The following MARCHF1 variants were observed in gnomAD, a reference collection of about 807,000 sequenced individuals.
The protein encoded by MARCHF1 is E3 ubiquitin-protein ligase MARCHF1.
A neutral mutation model predicts 54.2 loss-of-function variants in MARCHF1; 40 were observed. The ratio of observed to expected loss-of-function variants is 0.74; its 90% CI spans 0.57 to 0.96. The LOEUF (loss-of-function observed/expected upper bound fraction) is 0.96, where lower values mean the gene tolerates loss of function less well. Among genes scored for constraint, MARCHF1 ranks in the 40% least tolerant of loss-of-function variants. The pLI, the probability that MARCHF1 is intolerant of heterozygous loss-of-function variation, is 0.00. For synonymous variants in MARCHF1, 236 were observed against 236.3 expected (o/e 1.00, Z 0.01); for missense variants, 586 against 656.5 (o/e 0.89, Z 1.17).
chr4:164,276,422 C>T (rs1019830545), intron 1 of MARCHF1, among the ~76,000 whole-genome samples: 1 of 152,086 alleles, frequency 6.6e-6, no homozygotes, highest in Admixed American at 6.6e-5. Flanking sequence ...TCTATACTAT[C>T]TCTGTTACTA....
At chr4:163,897,294 TC>T (rs1279952244) in intron 3 of MARCHF1, among the ~76,000 whole-genome samples, 1 of 152,206 alleles carries the variant, frequency 6.6e-6, no homozygotes, top group Non-Finnish European at 1.5e-5. Context: ...GAACCCATCA[TC>T]TTTTTCTGTG....
intron 4 of MARCHF1, among the ~76,000 whole-genome samples, chr4:163,754,341 A>C (rs1746604711): frequency 1.3e-5 from 2 of 152,218 alleles, no homozygotes; most frequent in African/African-American, 4.8e-5. Flanking sequence ...TGAACCAATA[A>C]TGGAAGAGGA....
chr4:163,770,852 T>A (rs1398337806), intron 4 of MARCHF1, among the ~76,000 whole-genome samples: 1 of 152,196 alleles, frequency 6.6e-6, no homozygotes, highest in Non-Finnish European at 1.5e-5. Flanking sequence ...ACAGTTATGA[T>A]CTTTTAAAAT....
chr4:163,567,432 T>C (rs1463200451), intron 8 of MARCHF1, among the ~76,000 whole-genome samples: 3 of 152,172 alleles, frequency 2.0e-5, no homozygotes, highest in Non-Finnish European at 4.4e-5. Context: ...TGCCCCACCT[T>C]ATGCCTACTG....
intron 7 of MARCHF1, among the ~76,000 whole-genome samples, chr4:163,611,860 C>T (rs3792612): frequency 0.089 from 13,580 of 151,998 alleles, 892 homozygotes; most frequent in East Asian, 0.32. Flanking sequence ...TTTTCTGATA[C>T]AAAAATCTGA....
chr4:164,359,050 A>C (rs1288579831), intron 1 of MARCHF1, among the ~76,000 whole-genome samples: 5 of 152,264 alleles, frequency 3.3e-5, no homozygotes, highest in African/African-American at 9.6e-5. Context: ...TTACAAAAAC[A>C]AAAATTTTTG....
intron 5 of MARCHF1, among the ~76,000 whole-genome samples, chr4:163,681,884 G>A (rs1211525119): frequency 6.6e-6 from 1 of 152,184 alleles, no homozygotes; most frequent in African/African-American, 2.4e-5. Flanking sequence ...TTGGAACTGG[G>A]TAATAGGCAG....
At chr4:164,015,951 C>T (rs1753532161) in intron 2 of MARCHF1, among the ~76,000 whole-genome samples, 1 of 151,566 alleles carries the variant, frequency 6.6e-6, no homozygotes, top group Non-Finnish European at 1.5e-5. Context: ...AACAATCCCA[C>T]TGCTGGGTCT....
intron 1 of MARCHF1, among the ~76,000 whole-genome samples, chr4:164,238,940 G>A (rs187497976): frequency 2.8e-4 from 42 of 152,058 alleles, no homozygotes; most frequent in Middle Eastern, 3.4e-3. Flanking sequence ...ACCCTGATAA[G>A]GAAACCTGAT....
At chr4:163,808,791 A>G (rs1748301335) in intron 4 of MARCHF1, among the ~76,000 whole-genome samples, 1 of 151,510 alleles carries the variant, frequency 6.6e-6, no homozygotes, top group African/African-American at 2.4e-5. Flanking sequence ...CTGGTCTTGA[A>G]CTCCTGAGCT....
At chr4:163,572,695 G>C (rs1011626356) in intron 8 of MARCHF1, among the ~76,000 whole-genome samples, 1 of 152,062 alleles carries the variant, frequency 6.6e-6, no homozygotes, top group African/African-American at 2.4e-5. Context: ...TTGTGTTATA[G>C]GTAAACCTGT....
intron 1 of MARCHF1, among the ~76,000 whole-genome samples, chr4:164,200,743 T>G (rs1006929881): frequency 1.3e-5 from 2 of 152,162 alleles, no homozygotes; most frequent in African/African-American, 4.8e-5. Context: ...AAGAAAGAAA[T>G]AAACAATCAA....
In MARCHF1 at chr4:164,176,966, CTCTCTCTCTCTCTCTATATATATATATAT is replaced by C. The variant is rs1730690526; in HGVS notation, c.-322-65333_-322-65305del. ...GCTCTCTCTCTCTCTCTCTCTCTCT[CTCTCTCTCTCTCTCTATATATATATATAT>C]ATATATATATATATACAAATGATAG... is the stretch of plus-strand genomic sequence containing the variant. On this transcript the variant is annotated intron_variant, in intron 1 of 9. Coordinates refer to ENST00000514618, the MANE Select transcript of MARCHF1 (RefSeq NM_001394959.1). Among the ~76,000 whole-genome samples, 18 of 46,736 alleles carry C rather than the reference CTCTCTCTCTCTCTCTATATATATATATAT, an allele frequency of 3.9e-4. 2 individuals carry two copies. The highest frequency in any genetic ancestry group is 1.9e-3 in the South Asian group (2 of 1,056). 30.7% of individuals were successfully genotyped at this position (46,736 alleles called of 152,430 possible).
intron 1 of MARCHF1, among the ~76,000 whole-genome samples, chr4:164,155,334 CA>C (rs11402101): frequency 1.2e-4 from 18 of 149,552 alleles, no homozygotes; most frequent in African/African-American, 3.7e-4. Flanking sequence ...ACTAAACTTT[CA>C]AAAAAAAAAG....
chr4:164,208,183 G>A (rs1000859316), intron 1 of MARCHF1, among the ~76,000 whole-genome samples: 4 of 152,180 alleles, frequency 2.6e-5, no homozygotes, highest in Non-Finnish European at 5.9e-5. Context: ...AGGGACTGGA[G>A]AGGCAGGGAG....
At chr4:163,948,367 TTAG>T (rs1399341428) in intron 3 of MARCHF1, among the ~76,000 whole-genome samples, 1 of 152,238 alleles carries the variant, frequency 6.6e-6, no homozygotes, top group Non-Finnish European at 1.5e-5. Flanking sequence ...AGCAGCCTTC[TTAG>T]GAAGAGTAAT....
At chr4:163,618,682 T>G (rs1003660975) in intron 5 of MARCHF1, among the ~76,000 whole-genome samples, 1 of 152,160 alleles carries the variant, frequency 6.6e-6, no homozygotes, top group South Asian at 2.1e-4. Flanking sequence ...AAATGAATCC[T>G]AGCTTGTTTC....
At chr4:163,600,263 G>T (rs958411204) in intron 7 of MARCHF1, among the ~76,000 whole-genome samples, 2 of 151,930 alleles carry the variant, frequency 1.3e-5, no homozygotes, top group African/African-American at 4.8e-5. Flanking sequence ...GCATCAATTT[G>T]TTCACCTCAG....
At chr4:163,967,138 C>A (rs1242063491) in intron 3 of MARCHF1, among the ~76,000 whole-genome samples, 1 of 152,066 alleles carries the variant, frequency 6.6e-6, no homozygotes, top group Non-Finnish European at 1.5e-5. Context: ...CTTTTGGAAT[C>A]AGATCATTAA....
Sources: gnomAD v4.1 joint callset for allele counts (sites outside exome capture counted in the v4.1 genomes callset) on GRCh38, gnomAD v4.1.1 for gene constraint, MANE v1.5 for transcripts, NCBI Gene and HGNC (gene_info 2026-07-23, HGNC 2026-07-21) for gene names.